The following FSIP1 variants were observed in gnomAD, a reference collection of about 807,000 sequenced individuals.
FSIP1 encodes the protein fibrous sheath interacting protein 1, also known as fibrous sheath-interacting protein 1.
A neutral mutation model predicts 60.9 loss-of-function variants in FSIP1; 65 were observed. That is an observed-to-expected ratio of 1.07 (90% CI 0.87 to 1.31). The LOEUF (loss-of-function observed/expected upper bound fraction) is 1.31, where lower values mean the gene tolerates loss of function less well. FSIP1 is among the 40% of genes most tolerant of loss of function. The probability of loss-of-function intolerance (pLI) is 0.00; values close to 1 mark genes in which losing one functional copy is unlikely to be tolerated. For synonymous variants in FSIP1, 209 were observed against 221.2 expected, an observed-to-expected ratio of 0.94 and a Z score of 0.49; for missense variants, 675 against 665.5, an observed-to-expected ratio of 1.01 and a Z score of -0.16.
intron 9 of FSIP1, among the ~76,000 whole-genome samples, chr15:39,719,296 C>T (rs981596725): frequency 6.6e-6 from 1 of 152,158 alleles, no homozygotes; most frequent in Admixed American, 6.5e-5. Context: ...ATTATCTGAC[C>T]AACATATCAT....
chr15:39,638,829 C>T lies in FSIP1; in HGVS notation c.1189-20584G>A, dbSNP rs111621758. Among the ~76,000 whole-genome samples, 1,373 of 145,056 alleles carry T rather than the reference C, an allele frequency of 9.5e-3. 17 individuals carry two copies. Among genetic ancestry groups the T allele is most frequent in the African/African-American group, 0.033 (1,278 of 38,854 alleles). On this transcript the variant is annotated intron_variant, in intron 10 of 11. Coordinates refer to ENST00000350221, the MANE Select transcript of FSIP1 (RefSeq NM_152597.5). ...GTGTGTGGGTGCATGTGTGTGTGCG[C>T]GTGTGTGTGTGCATGTGTGTGTGTG...
chr15:39,699,116 GTTTTTC>G (rs971457507), intron 10 of FSIP1, among the ~76,000 whole-genome samples: 1 of 152,170 alleles, frequency 6.6e-6, no homozygotes, highest in African/African-American at 2.4e-5. Flanking sequence ...CATGTCAGCG[GTTTTTC>G]TTTTTATCAG....
At chr15:39,653,175 C>CACA (rs1892943816) in intron 10 of FSIP1, among the ~76,000 whole-genome samples, 1 of 116,672 alleles carries the variant, frequency 8.6e-6, no homozygotes, top group Non-Finnish European at 1.7e-5. Flanking sequence ...GACTTTGTCT[C>CACA]AAAAAAAAAA....
intron 9 of FSIP1, among the ~76,000 whole-genome samples, chr15:39,715,020 A>G (rs902765190): frequency 1.1e-4 from 17 of 149,926 alleles, no homozygotes; most frequent in African/African-American, 4.1e-4. Context: ...ACTGAAGCAC[A>G]CCTACTTGAG....
At chr15:39,691,644 T>C (rs1406917575) in intron 10 of FSIP1, among the ~76,000 whole-genome samples, 1 of 152,214 alleles carries the variant, frequency 6.6e-6, no homozygotes, top group African/African-American at 2.4e-5. Flanking sequence ...CCTGATAAGA[T>C]AAAGATGGCA....
chr15:39,684,733 T>C (rs1894296756), intron 10 of FSIP1, among the ~76,000 whole-genome samples: 1 of 152,214 alleles, frequency 6.6e-6, no homozygotes, highest in Admixed American at 6.5e-5. Context: ...ACTGTCCTCC[T>C]GTGTGTGGTG....
intron 10 of FSIP1, among the ~76,000 whole-genome samples, chr15:39,618,953 T>A (rs1891343348): frequency 6.6e-6 from 1 of 151,602 alleles, no homozygotes; most frequent in Non-Finnish European, 1.5e-5. Flanking sequence ...GAAAAAAAAA[T>A]GTCTACTTCC....
chr15:39,767,334 G>A (rs12440567), intron 3 of FSIP1, among the ~76,000 whole-genome samples: 20,965 of 152,100 alleles, frequency 0.14, 1,797 homozygotes, highest in Admixed American at 0.27. Flanking sequence ...TCTATATAGC[G>A]GGCATTTTGA....
intron 10 of FSIP1, among the ~76,000 whole-genome samples, chr15:39,636,243 C>T (rs983021198): frequency 1.3e-4 from 20 of 152,210 alleles, no homozygotes; most frequent in African/African-American, 4.8e-4. Context: ...GTTAAGTGCT[C>T]TTATAGCAAT....
At chr15:39,657,569 G>A (rs1273604134) in intron 10 of FSIP1, among the ~76,000 whole-genome samples, 2 of 152,054 alleles carry the variant, frequency 1.3e-5, no homozygotes, top group South Asian at 2.1e-4. Flanking sequence ...TTTTGAGGAG[G>A]CTTAAATATT....
At chr15:39,662,441 G>T (rs555865465) in intron 10 of FSIP1, among the ~76,000 whole-genome samples, 2 of 152,038 alleles carry the variant, frequency 1.3e-5, no homozygotes. Context: ...AAAAGGAGGC[G>T]GAAAGATTTA....
intron 5 of FSIP1, among the ~76,000 whole-genome samples, chr15:39,759,503 C>T (rs941309430): frequency 6.6e-6 from 1 of 152,144 alleles, no homozygotes; most frequent in Non-Finnish European, 1.5e-5. Flanking sequence ...TTCAATAAGT[C>T]AATGTGAATA....
At chr15:39,648,168 TAA>T (rs59445778) in intron 10 of FSIP1, among the ~76,000 whole-genome samples, 27,289 of 74,708 alleles carry the variant, frequency 0.37, 3,299 homozygotes, top group African/African-American at 0.48. Context: ...TAAAGTATAA[TAA>T]AAAAAAAAAG....
intron 10 of FSIP1, among the ~76,000 whole-genome samples, chr15:39,643,794 C>T (rs1019597130): frequency 2.6e-5 from 4 of 152,202 alleles, no homozygotes; most frequent in Non-Finnish European, 5.9e-5. Context: ...AGTGCCTTTG[C>T]AGTTTACTCT....
At chr15:39,771,451 G>A (rs529825400) in intron 2 of FSIP1, among the ~76,000 whole-genome samples, 12 of 152,252 alleles carry the variant, frequency 7.9e-5, no homozygotes, top group East Asian at 1.9e-4. Context: ...CAGTCCCCTC[G>A]TGAATCCCCA....
chr15:39,725,410 C>T (rs1595665684), intron 9 of FSIP1, among the ~76,000 whole-genome samples: 2 of 152,198 alleles, frequency 1.3e-5, no homozygotes, highest in Non-Finnish European at 2.9e-5. Context: ...AGAAATACAA[C>T]CAGTCACAAA....
chr15:39,777,635 A>G (rs890408898), intron 1 of FSIP1, among the ~76,000 whole-genome samples: 1 of 152,268 alleles, frequency 6.6e-6, no homozygotes, highest in Non-Finnish European at 1.5e-5. Context: ...GCTGACTAAG[A>G]CCATTCCAGA....
intron 11 of FSIP1, among the ~76,000 whole-genome samples, chr15:39,602,697 G>A (rs1346622064): frequency 4.6e-5 from 7 of 152,062 alleles, no homozygotes; most frequent in Middle Eastern, 3.2e-3. Context: ...CCACGCCTTC[G>A]TAAGTGCTAT....
intron 8 of FSIP1, among the ~76,000 whole-genome samples, chr15:39,731,064 C>T (rs572041350): frequency 1.2e-4 from 18 of 152,208 alleles, no homozygotes; most frequent in African/African-American, 4.3e-4. Context: ...TATTGTCACA[C>T]TATTTATAAT....
Sources: allele counts gnomAD v4.1 joint callset (sites outside exome capture counted in the v4.1 genomes callset), GRCh38; gene constraint gnomAD v4.1.1; transcripts MANE v1.5; gene names NCBI Gene and HGNC (gene_info 2026-07-23, HGNC 2026-07-21).